The following PARD3 variants were observed in gnomAD, a reference collection of about 807,000 sequenced individuals.
PARD3 encodes the protein partitioning defective 3 homolog.
A neutral mutation model predicts 155.4 loss-of-function variants in PARD3; 75 were observed. The observed-to-expected ratio is 0.48, with a 90% CI of 0.40 to 0.58. The LOEUF (loss-of-function observed/expected upper bound fraction) is 0.58. Among genes scored for constraint, PARD3 ranks in the 20% least tolerant of loss-of-function variants. The pLI is 0.00. For synonymous variants in PARD3, 576 were observed against 610.5 expected, an observed-to-expected ratio of 0.94 and a Z score of 0.83; for missense variants, 1,642 against 1,721.7, an observed-to-expected ratio of 0.95 and a Z score of 0.82.
chr10:34,413,144 TACACACACAC>T (rs146779470), intron 5 of PARD3, among the ~76,000 whole-genome samples: 61 of 145,952 alleles, frequency 4.2e-4, no homozygotes, highest in Middle Eastern at 3.5e-3. Context: ...CAGATATATA[TACACACACAC>T]ACACACACAC....
chr10:34,206,201 G>T (rs1338352065), intron 22 of PARD3, among the ~76,000 whole-genome samples: 7 of 152,210 alleles, frequency 4.6e-5, no homozygotes, highest in Non-Finnish European at 1.0e-4. Flanking sequence ...GGGCCAGGAG[G>T]AACAAGAACA....
At chr10:34,592,568 G>A (rs1396154300) in intron 2 of PARD3, among the ~76,000 whole-genome samples, 2 of 152,172 alleles carry the variant, frequency 1.3e-5, no homozygotes, top group East Asian at 3.9e-4. Context: ...CAGAGGTCAG[G>A]AGTTTGAGAT....
chr10:34,686,461 C>A (rs1028243337), intron 2 of PARD3, among the ~76,000 whole-genome samples: 2 of 151,086 alleles, frequency 1.3e-5, no homozygotes, highest in Non-Finnish European at 1.5e-5. Flanking sequence ...TAGGGCCAGG[C>A]GCAGTAGCTC....
intron 22 of PARD3, among the ~76,000 whole-genome samples, chr10:34,144,588 G>C (rs1322006493): frequency 6.6e-6 from 1 of 152,038 alleles, no homozygotes; most frequent in African/African-American, 2.4e-5. Context: ...AATTCCTCTG[G>C]TATTTAGACA....
At chr10:34,471,715 T>C (rs1283016495) in intron 3 of PARD3, among the ~76,000 whole-genome samples, 4 of 152,104 alleles carry the variant, frequency 2.6e-5, no homozygotes, top group African/African-American at 9.7e-5. Context: ...TGCACCACCA[T>C]GATAAGCTAG....
chr10:34,726,254 A>C (rs2094708898), intron 1 of PARD3, among the ~76,000 whole-genome samples: 1 of 152,174 alleles, frequency 6.6e-6, no homozygotes, highest in Non-Finnish European at 1.5e-5. Flanking sequence ...GTTCAAGACC[A>C]GCGTGGTCAA....
Position 34,586,984 on chromosome 10 carries a change from G to A in PARD3, c.223-69825C>T, listed in dbSNP as rs546617479. On this transcript the variant is annotated intron_variant, in intron 2 of 24. Transcript: ENST00000374788. ...GAAGGCACTCATGTAGGGGTGATACGGGACAAACTCATTTTTCTAGTCCAG... is the reference window on the plus strand; with the variant it reads ...GAAGGCACTCATGTAGGGGTGATACAGGACAAACTCATTTTTCTAGTCCAG... Among the ~76,000 whole-genome samples the A allele has an allele frequency of 4.6e-5, 7 of 152,260 alleles. No homozygotes were observed. The Middle Eastern group carries it at 0.01, about 223-fold the overall frequency.
chr10:34,194,413 G>A (rs778597998), intron 22 of PARD3, among the ~76,000 whole-genome samples: 1 of 152,058 alleles, frequency 6.6e-6, no homozygotes, highest in Admixed American at 6.5e-5. Flanking sequence ...GCTCTTGTAC[G>A]TCCCTGTGCC....
chr10:34,559,451 G>GA lies in PARD3; in HGVS notation c.223-42293dup, dbSNP rs10568249. Among the ~76,000 whole-genome samples, 167 of 135,976 alleles carry GA rather than the reference G, an allele frequency of 1.2e-3. 2 individuals are homozygous for GA. The highest frequency in any genetic ancestry group is 9.9e-3 in the East Asian group (44 of 4,434). 89.2% of individuals were successfully genotyped at this position (135,976 alleles called of 152,430 possible). A position where few individuals can be genotyped will look rare whatever the true frequency, so the allele number is the denominator to read the frequency against. The stretch of plus-strand genomic sequence containing the variant: ...TTTCATTTTTCTCCTAAAAAAAAAT[G>GA]AAAAAAAAAAAAAGAAAAGAAACTA... On this transcript the variant is annotated intron_variant, in intron 2 of 24. Transcript: ENST00000374788.
intron 1 of PARD3, among the ~76,000 whole-genome samples, chr10:34,746,539 T>C (rs1835359449): frequency 6.6e-6 from 1 of 152,204 alleles, no homozygotes; most frequent in African/African-American, 2.4e-5. Context: ...TAAGATTCTA[T>C]GTACTTTTGC....
chr10:34,171,006 A>G (rs552914398), intron 22 of PARD3, among the ~76,000 whole-genome samples: 1 of 152,320 alleles, frequency 6.6e-6, no homozygotes, highest in South Asian at 2.1e-4. Flanking sequence ...AACTCACTAA[A>G]TTTAGGGATA....
chr10:34,368,399 G>A (rs112562705), intron 12 of PARD3, among the ~76,000 whole-genome samples: 10,249 of 152,194 alleles, frequency 0.067, 463 homozygotes, highest in Non-Finnish European at 0.096. Flanking sequence ...CAGGCCGGGC[G>A]CGGTGGCTCA....
intron 1 of PARD3, among the ~76,000 whole-genome samples, chr10:34,728,091 G>C (rs760018583): frequency 3.9e-5 from 6 of 152,112 alleles, no homozygotes; most frequent in Non-Finnish European, 8.8e-5. Context: ...TAGGCATTTC[G>C]AGGCTTCACA....
intron 24 of PARD3, among the ~76,000 whole-genome samples, chr10:34,112,604 T>C (rs1019515934): frequency 6.6e-6 from 1 of 152,146 alleles, no homozygotes; most frequent in Non-Finnish European, 1.5e-5. Context: ...GGCGACAGTA[T>C]GTATTGCTCA....
chr10:34,277,764 A>G (rs990629821), intron 21 of PARD3, among the ~76,000 whole-genome samples: 1 of 152,212 alleles, frequency 6.6e-6, no homozygotes, highest in African/African-American at 2.4e-5. Flanking sequence ...GATAAAAGAA[A>G]GCATTAACAG....
intron 1 of PARD3, among the ~76,000 whole-genome samples, chr10:34,750,981 G>A (rs74872553): frequency 0.024 from 3,625 of 152,168 alleles, 148 homozygotes; most frequent in African/African-American, 0.082. Context: ...GAGCCACCGC[G>A]CCCAGATGAC....
At chr10:34,601,234 C>G (rs1251974674) in intron 2 of PARD3, among the ~76,000 whole-genome samples, 1 of 149,564 alleles carries the variant, frequency 6.7e-6, no homozygotes, top group Non-Finnish European at 1.5e-5. Context: ...TGAGACCAGC[C>G]TGGGCAACAC....
chr10:34,738,773 G>T (rs2094958798), intron 1 of PARD3, among the ~76,000 whole-genome samples: 1 of 152,102 alleles, frequency 6.6e-6, no homozygotes, highest in Non-Finnish European at 1.5e-5. Flanking sequence ...GGCAGAAGAG[G>T]TCAGGGGGAG....
chr10:34,281,219 G>A (rs188911747), intron 21 of PARD3, among the ~76,000 whole-genome samples: 1 of 152,220 alleles, frequency 6.6e-6, no homozygotes, highest in Non-Finnish European at 1.5e-5. Context: ...CAGTAGAGGC[G>A]CTGTCCCTAG....
Sources: gnomAD v4.1 joint callset for allele counts (sites outside exome capture counted in the v4.1 genomes callset) on GRCh38, gnomAD v4.1.1 for gene constraint, MANE v1.5 for transcripts, NCBI Gene and HGNC (gene_info 2026-07-23, HGNC 2026-07-21) for gene names.